The following CYB5R4 variants were observed in gnomAD, a reference collection of about 807,000 sequenced individuals.
The protein encoded by CYB5R4 is N-terminal cytochrome b5 and cytochrome b5 oxidoreductase domain-containing protein.
A neutral mutation model predicts 70.2 loss-of-function variants in CYB5R4; 55 were observed. That is an observed-to-expected ratio of 0.78 (90% CI 0.63 to 0.98). The LOEUF (loss-of-function observed/expected upper bound fraction) is 0.98, where lower values mean the gene tolerates loss of function less well. CYB5R4 is among the 50% of genes least tolerant of loss of function. CYB5R4 has a pLI of 0.00. For missense variants in CYB5R4, 562 were observed against 612.6 expected, an observed-to-expected ratio of 0.92 and a Z score of 0.87; for synonymous variants, 197 against 199.5, an observed-to-expected ratio of 0.99 and a Z score of 0.11.
At chr6:83,940,984 T>C (rs2099469678) in intron 14 of CYB5R4, among the ~76,000 whole-genome samples, 1 of 152,186 alleles carries the variant, frequency 6.6e-6, no homozygotes, top group East Asian at 1.9e-4. Flanking sequence ...TTAAACATGA[T>C]ATGGGATTTC....
At chr6:83,955,250 A>G in intron 14 of CYB5R4, 48 bp from the exon 15 acceptor site, 1 of 1,428,366 alleles carries the variant, frequency 7.0e-7, no homozygotes, top group Non-Finnish European at 9.5e-7. Context: ...CATGTTAATA[A>G]TATGTTTAAA....
chr6:83,896,410 C>T (rs1035440648), intron 3 of CYB5R4, among the ~76,000 whole-genome samples: 1 of 152,066 alleles, frequency 6.6e-6, no homozygotes, highest in Non-Finnish European at 1.5e-5. Context: ...GTAAATATTC[C>T]CAACATGCAT....
At chr6:83,897,319 C>G (rs1269944778) in intron 3 of CYB5R4, among the ~76,000 whole-genome samples, 1 of 151,546 alleles carries the variant, frequency 6.6e-6, no homozygotes, top group South Asian at 2.1e-4. Flanking sequence ...ATTGTTGGTT[C>G]CAAGTCTTTG....
At chr6:83,914,324 G>T in intron 4 of CYB5R4, 92 bp from the exon 5 acceptor site, 3 of 1,338,386 alleles carry the variant, frequency 2.2e-6, no homozygotes, top group Non-Finnish European at 3.0e-6. Flanking sequence ...CAAAAAAGAA[G>T]GGATGTTATC....
At chr6:83,906,402 CAG>C (rs1562835513) in intron 3 of CYB5R4, among the ~76,000 whole-genome samples, 2 of 152,144 alleles carry the variant, frequency 1.3e-5, no homozygotes, top group African/African-American at 4.8e-5. Context: ...GCTTAGGTCT[CAG>C]GGGGCTTGTG....
At chr6:83,877,270 G>A (rs777210720) in intron 2 of CYB5R4, among the ~76,000 whole-genome samples, 13 of 151,928 alleles carry the variant, frequency 8.6e-5, no homozygotes, top group South Asian at 8.3e-4. Flanking sequence ...TCTTTTTTCC[G>A]TCAGTTTAAA....
At chr6:83,901,188 G>C (rs547150847) in intron 3 of CYB5R4, among the ~76,000 whole-genome samples, 1 of 152,262 alleles carries the variant, frequency 6.6e-6, no homozygotes, top group African/African-American at 2.4e-5. Flanking sequence ...GCATTTGCTT[G>C]TCTGTAAAGA....
At chr6:83,953,160 C>T (rs1257405383) in intron 14 of CYB5R4, among the ~76,000 whole-genome samples, 1 of 152,044 alleles carries the variant, frequency 6.6e-6, no homozygotes, top group Non-Finnish European at 1.5e-5. Context: ...TATATGCCTT[C>T]CTGAAGATTT....
intron 2 of CYB5R4, among the ~76,000 whole-genome samples, chr6:83,887,410 G>C (rs935980751): frequency 1.3e-5 from 2 of 152,120 alleles, no homozygotes; most frequent in Non-Finnish European, 2.9e-5. Flanking sequence ...CAGAGAACTT[G>C]TTTGAGAGCT....
intron 9 of CYB5R4, 132 bp downstream of exon 9, chr6:83,922,602 A>C (rs2099466558): frequency 3.1e-6 from 2 of 644,376 alleles, no homozygotes; most frequent in Non-Finnish European, 5.4e-6. Flanking sequence ...TTGCAAAACA[A>C]AGATGTGATG....
chr6:83,912,789 G>A (rs1354958018), intron 4 of CYB5R4, among the ~76,000 whole-genome samples: 1 of 152,188 alleles, frequency 6.6e-6, no homozygotes. Flanking sequence ...TTTTTGAAAA[G>A]AGTTGTAAAA....
intron 10 of CYB5R4, among the ~76,000 whole-genome samples, chr6:83,924,955 T>C (rs2099467045): frequency 6.6e-6 from 1 of 152,216 alleles, no homozygotes; most frequent in Non-Finnish European, 1.5e-5. Context: ...TTTTTCCTAA[T>C]GAGGAAGACA....
Position 83,967,091 on chromosome 6 carries a change from T to C in CYB5R4, c.*7213T>C, listed in dbSNP as rs2099474199. On this transcript the variant is annotated 3_prime_UTR_variant, in exon 16 of 16. Coordinates refer to ENST00000369681, the MANE Select transcript of CYB5R4 (RefSeq NM_016230.4). ...TTTGATATCCTGATGGAAAAAAATGTGAGCCAAGGATTTTACACCCAACAA... is the reference window on the plus strand; with the variant it reads ...TTTGATATCCTGATGGAAAAAAATGCGAGCCAAGGATTTTACACCCAACAA... 1 of 152,210 alleles carries C rather than the reference T, an allele frequency of 6.6e-6. No individual in the cohort carries two copies. The highest frequency in any genetic ancestry group is 1.5e-5 in the Non-Finnish European group (1 of 68,032). 9.4% of individuals were successfully genotyped at this position (152,210 alleles called of 1,614,324 possible). A position where few individuals can be genotyped will look rare whatever the true frequency, so the allele number is the denominator to read the frequency against.
In CYB5R4 at chr6:83,959,947, A is replaced by G. The variant is rs550064118; in HGVS notation, c.*69A>G. 1.4e-4 allele frequency: 176 copies of G among 1,267,342 alleles called. No homozygotes were observed. Among genetic ancestry groups the G allele is most frequent in the Non-Finnish European group, 1.3e-4 (124 of 923,116 alleles). 78.5% of individuals were successfully genotyped at this position (1,267,342 alleles called of 1,614,324 possible). A position where few individuals can be genotyped will look rare whatever the true frequency, so the allele number is the denominator to read the frequency against. ...TTGTGATTGCTTAGGGTTTTTTAAG[A>G]GAACATTTTTGTACATAACAAAAGG... On this transcript the variant is annotated 3_prime_UTR_variant, in exon 16 of 16. Coordinates refer to ENST00000369681, the MANE Select transcript of CYB5R4 (RefSeq NM_016230.4).
In CYB5R4 at chr6:83,955,478, G is replaced by C; in HGVS notation, c.1511+16G>C. ...AAGGAGTAAGGTGAGTAACAGTGTA[G>C]TAGGAAACAGACTGCCCAACACTGA... On this transcript the variant is annotated intron_variant, in intron 15 of 15. Coordinates refer to ENST00000369681, the MANE Select transcript of CYB5R4 (RefSeq NM_016230.4). 6.2e-7 allele frequency: 1 copy of C among 1,606,804 alleles called. No homozygotes were observed. Among genetic ancestry groups the C allele is most frequent in the Non-Finnish European group, 8.5e-7 (1 of 1,175,492 alleles).
rs2099473759 is a variant in CYB5R4, at chr6:83,964,344, G to A, written c.*4466G>A. 1 of 152,426 alleles carries A rather than the reference G, an allele frequency of 6.6e-6. No homozygotes were observed. The highest frequency in any genetic ancestry group is 6.5e-5 in the Admixed American group (1 of 15,278). 9.4% of individuals were successfully genotyped at this position (152,426 alleles called of 1,614,324 possible). A position where few individuals can be genotyped will look rare whatever the true frequency, so the allele number is the denominator to read the frequency against. On this transcript the variant is annotated 3_prime_UTR_variant, in exon 16 of 16. Coordinates refer to ENST00000369681, the MANE Select transcript of CYB5R4 (RefSeq NM_016230.4). ...AATCTAGACTGAGGTGGTCTCAGGT[G>A]GAGATGAGGAACCTGTTGAGAACTG...
chr6:83,946,560 G>A (rs1037642202), intron 14 of CYB5R4, among the ~76,000 whole-genome samples: 11 of 152,142 alleles, frequency 7.2e-5, no homozygotes, highest in Non-Finnish European at 1.6e-4. Context: ...AGTATTGCAA[G>A]TTCTGGCCAG....
At chr6:83,861,070 G>A (rs1311471733) in intron 1 of CYB5R4, among the ~76,000 whole-genome samples, 1 of 152,146 alleles carries the variant, frequency 6.6e-6, no homozygotes, top group Admixed American at 6.5e-5. Flanking sequence ...ATTTCTTGAA[G>A]CTAAATACTT....
At chr6:83,934,022 G>A (rs1038837606) in intron 10 of CYB5R4, among the ~76,000 whole-genome samples, 1 of 152,088 alleles carries the variant, frequency 6.6e-6, no homozygotes, top group African/African-American at 2.4e-5. Flanking sequence ...CTTTGTCAAA[G>A]AGATATTCTA....
Sources: allele counts gnomAD v4.1 joint callset (sites outside exome capture counted in the v4.1 genomes callset), GRCh38; gene constraint gnomAD v4.1.1; transcripts MANE v1.5; gene names NCBI Gene and HGNC (gene_info 2026-07-23, HGNC 2026-07-21).